The following GABRB1 variants were observed in gnomAD, a reference collection of about 807,000 sequenced individuals.
The protein encoded by GABRB1 is gamma-aminobutyric acid receptor subunit beta-1.
Under a neutral mutation model 51.6 loss-of-function variants are expected in GABRB1, and 17 were observed. That is an observed-to-expected ratio of 0.33 (90% CI 0.23 to 0.49). The LOEUF is 0.49. GABRB1 is among the 20% of genes least tolerant of loss of function. The pLI, the probability that GABRB1 is intolerant of heterozygous loss-of-function variation, is 0.99. For synonymous variants in GABRB1, 247 were observed against 218.9 expected (o/e 1.13, Z -1.14); for missense variants, 410 against 600.6 (o/e 0.68, Z 3.32).
intron 4 of GABRB1, among the ~76,000 whole-genome samples, chr4:47,266,962 G>C (rs1045092557): frequency 6.6e-6 from 1 of 151,768 alleles, no homozygotes; most frequent in Non-Finnish European, 1.5e-5. Flanking sequence ...TAGTTGCTCT[G>C]GTGGATAACA....
chr4:47,202,162 T>G (rs967993109), intron 4 of GABRB1, among the ~76,000 whole-genome samples: 19 of 152,110 alleles, frequency 1.2e-4, no homozygotes, highest in African/African-American at 4.3e-4. Flanking sequence ...CGGGGGCAGT[T>G]TCCCCCAGGC....
intron 1 of GABRB1, among the ~76,000 whole-genome samples, chr4:47,007,178 C>A (rs544231446): frequency 9.9e-5 from 15 of 151,644 alleles, no homozygotes; most frequent in African/African-American, 3.6e-4. Context: ...AGTACATAAA[C>A]TTTAAATGTA....
intron 4 of GABRB1, among the ~76,000 whole-genome samples, chr4:47,292,172 C>A (rs1408287929): frequency 6.6e-6 from 1 of 152,130 alleles, no homozygotes; most frequent in South Asian, 2.1e-4. Flanking sequence ...CTTATGAGAT[C>A]TGATGGTCAT....
At chr4:47,250,662 T>G (rs1262353453) in intron 4 of GABRB1, among the ~76,000 whole-genome samples, 1 of 152,176 alleles carries the variant, frequency 6.6e-6, no homozygotes, top group Non-Finnish European at 1.5e-5. Flanking sequence ...TATTCTTTTC[T>G]CTTTATCTTT....
chr4:47,360,423 T>C (rs1409191688), intron 5 of GABRB1, among the ~76,000 whole-genome samples: 1 of 152,028 alleles, frequency 6.6e-6, no homozygotes, highest in African/African-American at 2.4e-5. Flanking sequence ...TTTTCATATG[T>C]AGGGAAATAG....
intron 4 of GABRB1, among the ~76,000 whole-genome samples, chr4:47,276,833 A>C (rs991669756): frequency 2.0e-4 from 30 of 152,126 alleles, no homozygotes; most frequent in Admixed American, 5.2e-4. Flanking sequence ...CGAAGCCAGT[A>C]GCGTACCACC....
intron 3 of GABRB1, among the ~76,000 whole-genome samples, chr4:47,147,119 CTT>C (rs1396354385): frequency 6.6e-6 from 1 of 151,800 alleles, no homozygotes; most frequent in Non-Finnish European, 1.5e-5. Flanking sequence ...AAAAGTAAGT[CTT>C]ACTCATCATT....
At chr4:47,355,180 C>A (rs943784188) in intron 5 of GABRB1, among the ~76,000 whole-genome samples, 4 of 151,882 alleles carry the variant, frequency 2.6e-5, no homozygotes, top group Non-Finnish European at 5.9e-5. Flanking sequence ...TGGGGTTTCA[C>A]CATGTTGACC....
intron 4 of GABRB1, among the ~76,000 whole-genome samples, chr4:47,201,835 G>A (rs1049978059): frequency 6.6e-6 from 1 of 152,224 alleles, no homozygotes. Context: ...CATGTAATAA[G>A]ATGTCTGTCC....
At chr4:47,401,024 G>T (rs1041769751) in intron 5 of GABRB1, among the ~76,000 whole-genome samples, 2 of 149,504 alleles carry the variant, frequency 1.3e-5, no homozygotes, top group Non-Finnish European at 3.0e-5. Context: ...CGCCTCCGGG[G>T]TTCAGGCCAT....
intron 5 of GABRB1, among the ~76,000 whole-genome samples, chr4:47,360,157 G>A (rs948293895): frequency 1.8e-4 from 27 of 151,726 alleles, no homozygotes; most frequent in South Asian, 1.0e-3. Context: ...GCATAATCTC[G>A]AGAATCCGTT....
chr4:47,233,005 G>T (rs965367053), intron 4 of GABRB1, among the ~76,000 whole-genome samples: 1 of 152,044 alleles, frequency 6.6e-6, no homozygotes, highest in South Asian at 2.1e-4. Flanking sequence ...CTCCGGAGTA[G>T]CTGGGACTAC....
intron 4 of GABRB1, among the ~76,000 whole-genome samples, chr4:47,260,008 C>A (rs1722366083): frequency 1.3e-5 from 2 of 151,668 alleles, no homozygotes; most frequent in South Asian, 4.2e-4. Context: ...ATCTGATGCT[C>A]CTGTATTGGG....
chr4:47,320,761 T>G (rs1725052185), intron 5 of GABRB1, among the ~76,000 whole-genome samples: 1 of 128,176 alleles, frequency 7.8e-6, no homozygotes, highest in Admixed American at 9.5e-5. Flanking sequence ...TTGTTTTCTT[T>G]TCTTTTTTCT....
rs1456758859 is a variant in GABRB1 at position 47,321,777 on chromosome 4, A to AT, written c.544+1575dup. ...TGAGCACTCTTCCATTGACTTTGTG[A>AT]TTTTTTTACCTTGGCTTCTGCTGGA... On this transcript the variant is annotated intron_variant, in intron 5 of 8. Transcript: ENST00000295454. 9.3e-4 allele frequency among the ~76,000 whole-genome samples: 141 copies of AT among 151,758 alleles called. No individual in the cohort carries two copies. In the South Asian group the frequency reaches 0.027, roughly 29 times the overall value.
intron 5 of GABRB1, among the ~76,000 whole-genome samples, chr4:47,379,414 A>G (rs1282963811): frequency 6.6e-6 from 1 of 152,228 alleles, no homozygotes; most frequent in Admixed American, 6.5e-5. Flanking sequence ...TCAACACTTC[A>G]TTATAAAATA....
intron 3 of GABRB1, among the ~76,000 whole-genome samples, chr4:47,102,880 G>A (rs371493883): frequency 3.3e-5 from 5 of 152,114 alleles, no homozygotes; most frequent in African/African-American, 1.2e-4. Context: ...GGTGAAGAAC[G>A]ACCAGCCACA....
At chr4:47,359,360 A>G (rs911988021) in intron 5 of GABRB1, among the ~76,000 whole-genome samples, 2 of 152,172 alleles carry the variant, frequency 1.3e-5, no homozygotes, top group Non-Finnish European at 2.9e-5. Flanking sequence ...TGTATCATTT[A>G]TTTAATAGCA....
intron 4 of GABRB1, among the ~76,000 whole-genome samples, chr4:47,219,039 A>G (rs1479067829): frequency 6.6e-6 from 1 of 151,824 alleles, no homozygotes; most frequent in Non-Finnish European, 1.5e-5. Flanking sequence ...ATTATTAATG[A>G]GATGTATGGT....
Sources: gnomAD v4.1 joint callset for allele counts (sites outside exome capture counted in the v4.1 genomes callset) on GRCh38, gnomAD v4.1.1 for gene constraint, MANE v1.5 for transcripts, NCBI Gene and HGNC (gene_info 2026-07-23, HGNC 2026-07-21) for gene names.